The following NEK10 variants were observed in gnomAD, a reference collection of about 807,000 sequenced individuals.
NEK10 encodes the protein NIMA related kinase 10.
NEK10 carries 122 observed loss-of-function variants against 159.8 expected under a neutral mutation model. That is an observed-to-expected ratio of 0.76 (90% CI 0.66 to 0.89). The LOEUF (loss-of-function observed/expected upper bound fraction) is 0.89, where lower values mean the gene tolerates loss of function less well. NEK10 is among the 40% of genes least tolerant of loss of function. NEK10 has a pLI of 0.00. For missense variants in NEK10, 1,342 were observed against 1,323.1 expected, an observed-to-expected ratio of 1.01 and a Z score of -0.22; for synonymous variants, 466 against 457.1, an observed-to-expected ratio of 1.02 and a Z score of -0.25.
intron 31 of NEK10, 73 bp from the exon 32 acceptor site, chr3:27,132,063 C>T: frequency 1.3e-6 from 1 of 773,208 alleles, no homozygotes; most frequent in Non-Finnish European, 2.2e-6. Context: ...AAAGCATTCG[C>T]TGAGGGCCCA....
Position 27,301,737 on chromosome 3 carries a change from C to T in NEK10, c.1127G>A (p.Ser376Asn). ...AGTATTTTCTTGTATTTCCCTAGGG[C>T]TCAAGTCTTCTGATAAATGAAGCTG... ...IQQLHLSEDL[S>N]PREIQENTFS... The change falls in exon 13 of 36, where the codon AGC becomes AAC. Residue 376 changes from serine to asparagine, a missense_variant. Transcript: ENST00000691995. 6.3e-7 allele frequency: 1 copy of T among 1,577,004 alleles called. No individual in the cohort carries two copies. Among genetic ancestry groups the T allele is most frequent in the African/African-American group, 1.3e-5 (1 of 74,078 alleles).
At chr3:27,307,823 C>T (rs1189813746) in intron 11 of NEK10, 36 bp downstream of exon 11, 1 of 916,376 alleles carries the variant, frequency 1.1e-6, no homozygotes, top group Admixed American at 1.8e-5. Context: ...CAAATAAAGG[C>T]ACTGCATTGT....
intron 23 of NEK10, among the ~76,000 whole-genome samples, chr3:27,225,100 A>G (rs1952490120): frequency 6.6e-6 from 1 of 152,210 alleles, no homozygotes; most frequent in African/African-American, 2.4e-5. Flanking sequence ...GAGCAAGGAG[A>G]GTCAGTCGGA....
At chr3:27,319,202 C>T (rs920687200) in intron 6 of NEK10, among the ~76,000 whole-genome samples, 2 of 152,198 alleles carry the variant, frequency 1.3e-5, no homozygotes, top group African/African-American at 4.8e-5. Flanking sequence ...TGTGCTATGG[C>T]TTCACTATAA....
At chr3:27,198,565 G>A (rs906083226) in intron 25 of NEK10, among the ~76,000 whole-genome samples, 10 of 152,080 alleles carry the variant, frequency 6.6e-5, no homozygotes, top group Non-Finnish European at 8.8e-5. Flanking sequence ...AAATGGTGCT[G>A]GGATAACTGG....
At chr3:27,132,676 C>G (rs946182303) in intron 31 of NEK10, among the ~76,000 whole-genome samples, 1 of 151,920 alleles carries the variant, frequency 6.6e-6, no homozygotes, top group African/African-American at 2.4e-5. Context: ...GGTTGGATCT[C>G]TACAAGAAAA....
At chr3:27,138,101 T>C (rs533931535) in intron 31 of NEK10, among the ~76,000 whole-genome samples, 1 of 152,222 alleles carries the variant, frequency 6.6e-6, no homozygotes, top group Non-Finnish European at 1.5e-5. Flanking sequence ...CTGCGTTGCC[T>C]TGCTGCGGCA....
chr3:27,344,294 C>T lies in NEK10; in HGVS notation c.340G>A (p.Val114Met). ...KLFQEIFTAL[V>M]KNRLISREWV... ...TACCTGCTTATGAGTCTATTTTTCA[C>T]CAAGGCGGTAAAGATCTCCTGAAAT... The change falls in exon 5 of 36, where the codon GTG (valine) becomes ATG (methionine). Residue 114 changes from valine to methionine, a missense_variant. Coordinates refer to ENST00000691995, the MANE Select transcript of NEK10 (RefSeq NM_001394966.1). The T allele has an allele frequency of 6.3e-7, 1 of 1,590,322 alleles. No homozygotes were observed. The highest frequency in any genetic ancestry group is 8.6e-7 in the Non-Finnish European group (1 of 1,162,576).
At chr3:27,314,379 G>C in intron 6 of NEK10, 41 bp from the exon 7 acceptor site, 1 of 1,223,372 alleles carries the variant, frequency 8.2e-7, no homozygotes, top group Non-Finnish European at 1.2e-6. Context: ...AAATGATGAG[G>C]GTGGAGGGGG....
intron 5 of NEK10, among the ~76,000 whole-genome samples, chr3:27,340,061 T>A (rs1203344726): frequency 6.6e-6 from 1 of 152,180 alleles, no homozygotes; most frequent in Non-Finnish European, 1.5e-5. Flanking sequence ...TGCACATATA[T>A]GTTTATTGCA....
intron 25 of NEK10, among the ~76,000 whole-genome samples, chr3:27,200,343 C>G (rs535350681): frequency 6.6e-6 from 1 of 152,142 alleles, no homozygotes; most frequent in African/African-American, 2.4e-5. Flanking sequence ...TTAAAAGACT[C>G]AGAAGGCAGA....
At chr3:27,232,772 C>A (rs1012019427) in intron 23 of NEK10, among the ~76,000 whole-genome samples, 6 of 151,990 alleles carry the variant, frequency 3.9e-5, no homozygotes, top group Non-Finnish European at 2.9e-5. Flanking sequence ...TTACAGCCAA[C>A]TGATCTTCAA....
intron 24 of NEK10, among the ~76,000 whole-genome samples, chr3:27,202,227 G>A (rs1950118706): frequency 6.6e-6 from 1 of 151,886 alleles, no homozygotes; most frequent in African/African-American, 2.4e-5. Flanking sequence ...TATAAATAAA[G>A]ACAATTATAG....
At chr3:27,145,699 C>T (rs1944232633) in intron 30 of NEK10, among the ~76,000 whole-genome samples, 1 of 152,064 alleles carries the variant, frequency 6.6e-6, no homozygotes, top group Non-Finnish European at 1.5e-5. Flanking sequence ...CCTCCCAGTG[C>T]CTGTAAACTG....
chr3:27,303,754 T>G (rs1230472492), intron 12 of NEK10, among the ~76,000 whole-genome samples: 1 of 152,226 alleles, frequency 6.6e-6, no homozygotes, highest in Non-Finnish European at 1.5e-5. Context: ...CACACAGTTC[T>G]GCAATATCGC....
At chr3:27,342,653 T>C (rs2047278744) in intron 5 of NEK10, among the ~76,000 whole-genome samples, 3 of 152,172 alleles carry the variant, frequency 2.0e-5, no homozygotes, top group Admixed American at 2.0e-4. Context: ...AAAAGAGATC[T>C]CTCGACTTTA....
chr3:27,189,723 T>C (rs1948950466), intron 26 of NEK10, among the ~76,000 whole-genome samples: 1 of 152,184 alleles, frequency 6.6e-6, no homozygotes, highest in South Asian at 2.1e-4. Context: ...CCTTCTTGCT[T>C]CTTTAATAAA....
At chr3:27,170,106 CT>C (rs1455400337) in intron 29 of NEK10, among the ~76,000 whole-genome samples, 1 of 152,184 alleles carries the variant, frequency 6.6e-6, no homozygotes, top group African/African-American at 2.4e-5. Context: ...AAAGAACCCC[CT>C]GTCACATAAG....
chr3:27,177,561 T>A (rs1274162543), intron 26 of NEK10, among the ~76,000 whole-genome samples: 1 of 151,352 alleles, frequency 6.6e-6, no homozygotes, highest in Admixed American at 6.6e-5. Flanking sequence ...AAAAAATATA[T>A]ATATATTTCT....
Sources: allele counts gnomAD v4.1 joint callset (sites outside exome capture counted in the v4.1 genomes callset), GRCh38; gene constraint gnomAD v4.1.1; transcripts MANE v1.5; gene names NCBI Gene and HGNC (gene_info 2026-07-23, HGNC 2026-07-21).